The following DLEU7 variants were observed in gnomAD, a reference collection of about 807,000 sequenced individuals.
DLEU7 encodes the protein deleted in lymphocytic leukemia 7.
DLEU7 carries 17 observed loss-of-function variants against 16.0 expected under a neutral mutation model. That is an observed-to-expected ratio of 1.06 (90% CI 0.73 to 1.59). DLEU7 has a LOEUF of 1.59. DLEU7 is among the 40% of genes most tolerant of loss of function. The pLI is 0.00. For synonymous variants in DLEU7, 113 were observed against 139.8 expected, an observed-to-expected ratio of 0.81 and a Z score of 1.35; for missense variants, 308 against 314.9, an observed-to-expected ratio of 0.98 and a Z score of 0.17.
At chr13:50,796,153 A>G (rs1292368558) in intron 1 of DLEU7, among the ~76,000 whole-genome samples, 1 of 152,112 alleles carries the variant, frequency 6.6e-6, no homozygotes, top group Non-Finnish European at 1.5e-5. Flanking sequence ...TGAACTCTAT[A>G]TATTTTATAT....
rs1877748457 is a variant in DLEU7 at position 50,843,429 on chromosome 13, C to T, written c.218G>A (p.Gly73Glu). The change falls in exon 1 of 2, where the codon GGG becomes GAG. Residue 73 changes from glycine to glutamate, a missense_variant. Coordinates refer to ENST00000504404, the MANE Select transcript of DLEU7 (RefSeq NM_001306135.2). This position sits in a 1 kb window ranked among gnomAD's most constrained non-coding sequence, Gnocchi z 5.7. ...CGCCGCGGTCCGCCGACTCCTGGTC[C>T]CCACGCCCCCGCCCCGCTCCTCGCG... Reference protein sequence around the residue: ...PGREERGGGVGTRSRRTAARA... With the variant: ...PGREERGGGVETRSRRTAARA... 1 of 1,320,702 alleles carries T rather than the reference C, an allele frequency of 7.6e-7. No individual in the cohort carries two copies. 81.8% of individuals were successfully genotyped at this position (1,320,702 alleles called of 1,614,324 possible).
rs561282023 is a variant in DLEU7, at chr13:50,796,442, T to C, written c.459+46746A>G. ...GCTAGGCCAAGGGAGGATGAACGTC[T>C]TGGGGTGGGCCTGGGCAGGATGGTG... On this transcript the variant is annotated intron_variant, in intron 1 of 1. Transcript: ENST00000400393. Among the ~76,000 whole-genome samples, 12 of 152,276 alleles carry C rather than the reference T, an allele frequency of 7.9e-5. No homozygotes were observed. In the East Asian group the frequency reaches 1.4e-3, roughly 17 times the overall value.
intron 1 of DLEU7, among the ~76,000 whole-genome samples, chr13:50,814,258 G>A (rs1264505718): frequency 6.6e-6 from 1 of 152,036 alleles, no homozygotes; most frequent in East Asian, 1.9e-4. Flanking sequence ...CCGGAAGCCA[G>A]AATCAATGCT....
chr13:50,829,950 C>T (rs1255925385), intron 1 of DLEU7, among the ~76,000 whole-genome samples: 1 of 152,168 alleles, frequency 6.6e-6, no homozygotes, highest in Admixed American at 6.5e-5. Context: ...TCAGTAGAAA[C>T]TCACATGATC....
In DLEU7 at chr13:50,774,802, C is replaced by A. The variant is rs569536458; in HGVS notation, c.460-61562G>T. On this transcript the variant is annotated intron_variant, in intron 1 of 1. Transcript: ENST00000400393. ...AAAAAATCTCTTGCTCTCTGTCCTTCAGTTTAGATGCTTGCTATTGGCTTT... is the reference window on the plus strand; with the variant it reads ...AAAAAATCTCTTGCTCTCTGTCCTTAAGTTTAGATGCTTGCTATTGGCTTT... Among the ~76,000 whole-genome samples the A allele has an allele frequency of 2.3e-4, 35 of 152,132 alleles. 1 individual carries two copies. In the South Asian group the frequency reaches 7.1e-3, roughly 31 times the overall value.
intron 1 of DLEU7, among the ~76,000 whole-genome samples, chr13:50,722,140 C>T (rs931568653): frequency 9.8e-5 from 15 of 152,286 alleles, no homozygotes; most frequent in African/African-American, 3.4e-4. Flanking sequence ...TTGCAGTGTC[C>T]TCCCAACATG....
chr13:50,829,600 G>C (rs1403084614), intron 1 of DLEU7, among the ~76,000 whole-genome samples: 2 of 152,216 alleles, frequency 1.3e-5, no homozygotes, highest in Non-Finnish European at 2.9e-5. Flanking sequence ...CTGCTGGGCT[G>C]TACTGGTCCC....
intron 1 of DLEU7, among the ~76,000 whole-genome samples, chr13:50,788,437 G>A (rs909349211): frequency 2.6e-5 from 4 of 152,180 alleles, no homozygotes; most frequent in Admixed American, 2.6e-4. Flanking sequence ...GGCTGTGAAA[G>A]AAAAGGTTGA....
chr13:50,771,597 G>C (rs1244605300), intron 1 of DLEU7, among the ~76,000 whole-genome samples: 1 of 152,182 alleles, frequency 6.6e-6, no homozygotes, highest in African/African-American at 2.4e-5. Flanking sequence ...TTAATCCTGA[G>C]TTCTAGTTTG....
At chr13:50,734,592 GA>G (rs1874012672) in intron 1 of DLEU7, among the ~76,000 whole-genome samples, 1 of 151,916 alleles carries the variant, frequency 6.6e-6, no homozygotes, top group East Asian at 1.9e-4. Context: ...TTAACATTTA[GA>G]AAAACCTATG....
chr13:50,737,375 A>G (rs1033914583), intron 1 of DLEU7, among the ~76,000 whole-genome samples: 10 of 152,282 alleles, frequency 6.6e-5, no homozygotes, highest in African/African-American at 2.4e-4. Context: ...GCTTCACTTC[A>G]TCGTGTTTCA....
At chr13:50,748,211 TACAC>T (rs1874457399) in intron 1 of DLEU7, among the ~76,000 whole-genome samples, 2 of 149,968 alleles carry the variant, frequency 1.3e-5, no homozygotes, top group Non-Finnish European at 1.5e-5. Context: ...TTTTACTTCT[TACAC>T]AGACTCCTTA....
At chr13:50,738,116 CTT>C (rs1206612267) in intron 1 of DLEU7, among the ~76,000 whole-genome samples, 5 of 152,236 alleles carry the variant, frequency 3.3e-5, no homozygotes, top group Non-Finnish European at 5.9e-5. Flanking sequence ...GACCCTGACT[CTT>C]TTCAATTCTG....
At chr13:50,729,637 A>G (rs1015860215) in intron 1 of DLEU7, among the ~76,000 whole-genome samples, 1 of 152,234 alleles carries the variant, frequency 6.6e-6, no homozygotes, top group Non-Finnish European at 1.5e-5. Context: ...GAACTAATTT[A>G]TAATACAGTG....
At position 50,843,454 on chromosome 13, in the gene DLEU7, G is replaced by T. The variant is rs1214810445; in HGVS notation, c.193C>A (p.Arg65Ser). ...GPPRARPGPG[R>S]EERGGGVGTR... ...CCCACGCCCCCGCCCCGCTCCTCGC[G>T]CCCGGGCCCCGGCCGGGCCCGCGGC... is the stretch of plus-strand genomic sequence containing the variant. Residue 65 changes from arginine (R) to serine (S), a missense_variant, in exon 1 of 2, where the codon CGC becomes AGC. Coordinates refer to ENST00000504404, the MANE Select transcript of DLEU7 (RefSeq NM_001306135.2). This position sits in a 1 kb window ranked among gnomAD's most constrained non-coding sequence, Gnocchi z 5.7. 3.4e-5 allele frequency: 45 copies of T among 1,318,782 alleles called. No homozygotes were observed. The highest frequency in any genetic ancestry group is 2.2e-4 in the East Asian group (7 of 31,890). 81.7% of individuals were successfully genotyped at this position (1,318,782 alleles called of 1,614,324 possible).
chr13:50,786,908 A>T lies in DLEU7; in HGVS notation c.459+56280T>A, dbSNP rs563822340. ...ACTGAGGTTCTCGGTTTCCCTGATG[A>T]TAAATTATTTGTAAATCTGCTGGAC... On this transcript the variant is annotated intron_variant, in intron 1 of 1. Coordinates refer to the DLEU7 transcript ENST00000400393. Among the ~76,000 whole-genome samples the T allele has an allele frequency of 1.8e-4, 27 of 152,300 alleles. No homozygotes were observed. The East Asian group carries it at 5.2e-3, about 29-fold the overall frequency.
At chr13:50,757,048 G>T (rs1593544618) in intron 1 of DLEU7, among the ~76,000 whole-genome samples, 1 of 152,200 alleles carries the variant, frequency 6.6e-6, no homozygotes, top group East Asian at 1.9e-4. Flanking sequence ...CACTTCTGCA[G>T]TTTGGGCACT....
intron 1 of DLEU7, among the ~76,000 whole-genome samples, chr13:50,731,851 T>C (rs1873920873): frequency 6.6e-6 from 1 of 152,194 alleles, no homozygotes. Context: ...TTTAAAAACA[T>C]TTTTTGCCAA....
intron 1 of DLEU7, among the ~76,000 whole-genome samples, chr13:50,814,026 G>A (rs1876648001): frequency 1.3e-5 from 2 of 152,134 alleles, no homozygotes; most frequent in African/African-American, 4.8e-5. Flanking sequence ...GTGAGAGAAT[G>A]CTTGCTTTCA....
Sources: gnomAD v4.1 joint callset for allele counts (sites outside exome capture counted in the v4.1 genomes callset) on GRCh38, gnomAD v4.1.1 for gene constraint, Gnocchi (gnomAD v3.1) non-coding constraint, MANE v1.5 for transcripts, NCBI Gene and HGNC (gene_info 2026-07-23, HGNC 2026-07-21) for gene names.